TF: variants seen among roughly 807,000 people sequenced by gnomAD.
TF encodes serotransferrin.
TF carries 55 observed loss-of-function variants against 82.4 expected under a neutral mutation model. The ratio of observed to expected loss-of-function variants is 0.67; its 90% CI spans 0.54 to 0.84. The LOEUF (loss-of-function observed/expected upper bound fraction) is 0.84, where lower values mean the gene tolerates loss of function less well. TF is among the 40% of genes least tolerant of loss of function. TF has a pLI of 0.00. For synonymous variants in TF, 332 were observed against 332.6 expected, an observed-to-expected ratio of 1.00 and a Z score of 0.02; for missense variants, 737 against 868.4, an observed-to-expected ratio of 0.85 and a Z score of 1.90.
chr3:133,760,152 G>C (rs1306801536), intron 9 of TF: 2 of 152,014 alleles, frequency 1.3e-5, no homozygotes, highest in African/African-American at 4.8e-5. Flanking sequence ...CTTGCCCTCT[G>C]TGTCTCTTCC....
chr3:133,754,114 G>A (rs8177215), intron 3 of TF: 27,139 of 414,672 alleles, frequency 0.065, 1,444 homozygotes, highest in East Asian at 0.24. Flanking sequence ...AGATCAACCT[G>A]ACTGTCTCTG....
rs1026382237 is a variant in TF at position 133,781,183 on chromosome 3, G to A, written c.*2563G>A. 3.3e-5 allele frequency: 5 copies of A among 151,954 alleles called. No individual in the cohort carries two copies. Among genetic ancestry groups the A allele is most frequent in the African/African-American group, 1.2e-4 (5 of 41,366 alleles). 9.4% of individuals were successfully genotyped at this position (151,954 alleles called of 1,614,324 possible). ...AAATAAAAATTAGCCGGGCGTAGTG[G>A]TGCATGCCTGTAATCCCAGCTACTC... On this transcript the variant is annotated 3_prime_UTR_variant, in exon 17 of 17. Transcript: ENST00000402696.
the TF span, among the ~76,000 whole-genome samples, chr3:133,671,108 C>A: frequency 6.6e-6 from 1 of 152,182 alleles, no homozygotes; most frequent in East Asian, 1.9e-4. Context: ...ATAAATATAT[C>A]AAGTATATGA....
the TF span, among the ~76,000 whole-genome samples, chr3:133,674,405 G>C: frequency 1.3e-5 from 2 of 152,236 alleles, no homozygotes; most frequent in African/African-American, 4.8e-5. Flanking sequence ...GCGGGAGAGA[G>C]GCTTGCATCT....
Position 133,792,377 on chromosome 3 carries a change from T to C in TF, c.*13757T>C, listed in dbSNP as rs2107954812. The C allele has an allele frequency of 6.6e-6, 1 of 152,310 alleles. No individual in the cohort carries two copies. The highest frequency in any genetic ancestry group is 3.4e-3 in the Middle Eastern group (1 of 294). The allele number at this position is 152,310 out of a possible 1,614,324, so 9.4% of individuals were successfully genotyped here. A position where few individuals can be genotyped will look rare whatever the true frequency, so the allele number is the denominator to read the frequency against. Reference sequence around the variant, plus strand: ...CAAAAGAGAATTTATGCAAGAAATATACAATTTAACGGTGATTAGACCTCC... The same window carrying C: ...CAAAAGAGAATTTATGCAAGAAATACACAATTTAACGGTGATTAGACCTCC... On this transcript the variant is annotated 3_prime_UTR_variant, in exon 17 of 17. Coordinates refer to ENST00000402696, the MANE Select transcript of TF (RefSeq NM_001063.4).
chr3:133,703,331 A>C, the TF span, among the ~76,000 whole-genome samples: 1 of 152,226 alleles, frequency 6.6e-6, no homozygotes, highest in Admixed American at 6.5e-5. Flanking sequence ...AAAACATGTA[A>C]ATAGCATAGT....
At chr3:133,694,474 G>C in the TF span, 1 of 152,694 alleles carries the variant, frequency 6.5e-6, no homozygotes. Flanking sequence ...AGAAATCTGG[G>C]GTCCCAGGTG....
chr3:133,757,160 G>T, intron 7 of TF, 151 bp downstream of exon 7: 1 of 1,108,208 alleles, frequency 9.0e-7, no homozygotes, highest in Admixed American at 2.0e-5. Context: ...TAAAAGCTGG[G>T]ACTCCCCACA....
At chr3:133,715,571 C>T in the TF span, among the ~76,000 whole-genome samples, 1 of 152,066 alleles carries the variant, frequency 6.6e-6, no homozygotes, top group African/African-American at 2.4e-5. Flanking sequence ...AAAACCTCTC[C>T]ACCTCACTTT....
rs8177288 is a variant in TF at position 133,768,470 on chromosome 3, G to A, written c.1622+306G>A. 1.4e-3 allele frequency among the ~76,000 whole-genome samples: 206 copies of A among 152,258 alleles called. 3 individuals carry two copies. Among genetic ancestry groups the A allele is most frequent in the African/African-American group, 4.8e-3 (198 of 41,536 alleles). ...ATATTTTTTATTGTGACAATGTTGG[G>A]GTGGGGGAGGAAGTGCTACTAGCAT... On this transcript the variant is annotated intron_variant, in intron 13 of 16. Coordinates refer to ENST00000402696, the MANE Select transcript of TF (RefSeq NM_001063.4).
chr3:133,771,743 CAAAAAAAAAAA>C (rs71136494), intron 14 of TF, among the ~76,000 whole-genome samples: 1 of 56,564 alleles, frequency 1.8e-5, no homozygotes, highest in South Asian at 6.1e-4. Flanking sequence ...GACTCCGTCT[CAAAAAAAAAAA>C]AAAAAAAAAA....
At chr3:133,736,414 A>G in the TF span, among the ~76,000 whole-genome samples, 1 of 152,176 alleles carries the variant, frequency 6.6e-6, no homozygotes, top group Non-Finnish European at 1.5e-5. Flanking sequence ...CAAAATAACC[A>G]GCTAGCATCA....
At chr3:133,763,466 C>A (rs1934046285) in intron 9 of TF, among the ~76,000 whole-genome samples, 1 of 152,216 alleles carries the variant, frequency 6.6e-6, no homozygotes. Context: ...AGCTATTTCT[C>A]TGTCATTGAG....
chr3:133,694,327 C>T, the TF span: 1 of 152,862 alleles, frequency 6.5e-6, no homozygotes, highest in South Asian at 2.1e-4. Context: ...GCCTGCTCCT[C>T]CCAAGAATCG....
Position 133,783,180 on chromosome 3 carries a change from G to T in TF, c.*4560G>T, listed in dbSNP as rs530712403. 1 of 152,214 alleles carries T rather than the reference G, an allele frequency of 6.6e-6. No homozygotes were observed. Among genetic ancestry groups the T allele is most frequent in the African/African-American group, 2.4e-5 (1 of 41,522 alleles). 9.4% of individuals were successfully genotyped at this position (152,214 alleles called of 1,614,324 possible). A position where few individuals can be genotyped will look rare whatever the true frequency, so the allele number is the denominator to read the frequency against. ...CTATGTATGTATCTCATAACATGTT[G>T]TATACCTTAAATATATTCAACGAAG... On this transcript the variant is annotated 3_prime_UTR_variant, in exon 17 of 17. Transcript: ENST00000402696.
At chr3:133,692,048 T>C in the TF span, among the ~76,000 whole-genome samples, 1 of 152,236 alleles carries the variant, frequency 6.6e-6, no homozygotes, top group Non-Finnish European at 1.5e-5. Context: ...GAAACTCCGC[T>C]GGTGCTGCTG....
chr3:133,723,381 A>T, the TF span, among the ~76,000 whole-genome samples: 27 of 150,916 alleles, frequency 1.8e-4, no homozygotes, highest in Non-Finnish European at 3.5e-4. Flanking sequence ...TGACTTTCTT[A>T]GTCTCTTCTC....
the TF span, among the ~76,000 whole-genome samples, chr3:133,732,802 A>G: frequency 1.4e-5 from 2 of 147,680 alleles, no homozygotes; most frequent in African/African-American, 2.5e-5. Context: ...AGCGAGACCA[A>G]TGAACCCACC....
the TF span, among the ~76,000 whole-genome samples, chr3:133,677,177 G>T: frequency 1.3e-5 from 2 of 152,296 alleles, no homozygotes; most frequent in South Asian, 4.1e-4. Flanking sequence ...TCTCTATTCG[G>T]TGAGCATCAG....
Sources: gnomAD v4.1 joint callset for allele counts (sites outside exome capture counted in the v4.1 genomes callset) on GRCh38, gnomAD v4.1.1 for gene constraint, MANE v1.5 for transcripts, NCBI Gene and HGNC (gene_info 2026-07-23, HGNC 2026-07-21) for gene names.